The following NOVA1 variants were observed in gnomAD, a reference collection of about 807,000 sequenced individuals.
The protein encoded by NOVA1 is NOVA alternative splicing regulator 1, also known as RNA-binding protein Nova-1.
NOVA1 carries 7 observed loss-of-function variants against 38.0 expected under a neutral mutation model. The ratio of observed to expected loss-of-function variants is 0.18; its 90% CI spans 0.10 to 0.35. The LOEUF (loss-of-function observed/expected upper bound fraction) is 0.35. NOVA1 is among the 10% of genes least tolerant of loss of function. The pLI is 1.00. For synonymous variants in NOVA1, 270 were observed against 232.5 expected, an observed-to-expected ratio of 1.16 and a Z score of -1.47; for missense variants, 460 against 616.0, an observed-to-expected ratio of 0.75 and a Z score of 2.68.
intron 2 of NOVA1, among the ~76,000 whole-genome samples, chr14:26,506,451 C>T (rs566265432): frequency 2.0e-5 from 3 of 152,280 alleles, no homozygotes; most frequent in Admixed American, 2.0e-4. Flanking sequence ...AAAGTAAGGC[C>T]ACATTGCCAG....
At chr14:26,483,728 C>T (rs906279565) in intron 2 of NOVA1, among the ~76,000 whole-genome samples, 2 of 152,058 alleles carry the variant, frequency 1.3e-5, no homozygotes, top group Admixed American at 6.6e-5. Context: ...GAACAATAAA[C>T]GATACCATAA....
At chr14:26,560,915 T>TA (rs1381371524) in intron 2 of NOVA1, among the ~76,000 whole-genome samples, 3 of 152,182 alleles carry the variant, frequency 2.0e-5, no homozygotes, top group African/African-American at 7.2e-5. Context: ...TTTAATATAC[T>TA]AACATGTCCA....
chr14:26,588,065 A>G (rs1893636155), intron 2 of NOVA1, among the ~76,000 whole-genome samples: 2 of 151,196 alleles, frequency 1.3e-5, no homozygotes, highest in Admixed American at 1.3e-4. Flanking sequence ...TTCTCTGAAA[A>G]CTTACACTGT....
intron 2 of NOVA1, among the ~76,000 whole-genome samples, chr14:26,498,809 A>C (rs1010733270): frequency 6.6e-6 from 1 of 152,212 alleles, no homozygotes; most frequent in African/African-American, 2.4e-5. Flanking sequence ...AAAGGAATTA[A>C]CATTTTGAAA....
intron 4 of NOVA1, chr14:26,470,514 C>CA (rs1884504253): frequency 6.8e-7 from 1 of 1,468,944 alleles, no homozygotes; most frequent in African/African-American, 1.4e-5. Context: ...CAGAAGAAAA[C>CA]AGAGTATAAG....
chr14:26,469,666 T>A (rs1392643291), intron 4 of NOVA1, among the ~76,000 whole-genome samples: 1 of 152,178 alleles, frequency 6.6e-6, no homozygotes, highest in East Asian at 1.9e-4. Flanking sequence ...CATGGCTCAC[T>A]GCAGCCTCGA....
intron 2 of NOVA1, among the ~76,000 whole-genome samples, chr14:26,556,803 G>A (rs1328576347): frequency 1.3e-5 from 2 of 151,940 alleles, no homozygotes; most frequent in Non-Finnish European, 2.9e-5. Context: ...TAGAAAAGAC[G>A]GACAAAAGGT....
intron 2 of NOVA1, among the ~76,000 whole-genome samples, chr14:26,541,301 T>C (rs901367285): frequency 3.5e-4 from 53 of 152,022 alleles, no homozygotes; most frequent in African/African-American, 1.2e-3. Flanking sequence ...AGGTATTTTG[T>C]ATAGGAACAC....
At position 26,576,620 on chromosome 14, in the gene NOVA1, T is replaced by C. The variant is rs141120573; in HGVS notation, c.280+18790A>G. ...GTGTCTGTGTGTGTGTATATATATA[T>C]ACACATACCACCTGATAAGGTATAC... On this transcript the variant is annotated intron_variant, in intron 2 of 4. Coordinates refer to ENST00000539517, the MANE Select transcript of NOVA1 (RefSeq NM_002515.3). 1.3e-4 allele frequency among the ~76,000 whole-genome samples: 19 copies of C among 151,796 alleles called. No homozygotes were observed. In the East Asian group the frequency reaches 2.3e-3, roughly 19 times the overall value.
At chr14:26,476,995 G>A (rs1205720671) in intron 3 of NOVA1, among the ~76,000 whole-genome samples, 11 of 151,912 alleles carry the variant, frequency 7.2e-5, no homozygotes, top group South Asian at 4.2e-4. Flanking sequence ...GATTACAGGC[G>A]TGAGCCACAG....
At chr14:26,549,189 CA>C (rs1891012337) in intron 2 of NOVA1, among the ~76,000 whole-genome samples, 1 of 151,758 alleles carries the variant, frequency 6.6e-6, no homozygotes, top group Admixed American at 6.6e-5. Flanking sequence ...AAAAAGAAGT[CA>C]AAATTGGTGT....
chr14:26,507,285 A>AC (rs398118003), intron 2 of NOVA1, among the ~76,000 whole-genome samples: 1 of 151,454 alleles, frequency 6.6e-6, no homozygotes, highest in Non-Finnish European at 1.5e-5. Context: ...AAAAAAAAAA[A>AC]TAATGTCAAA....
At chr14:26,553,819 A>G (rs1891309886) in intron 2 of NOVA1, among the ~76,000 whole-genome samples, 1 of 152,122 alleles carries the variant, frequency 6.6e-6, no homozygotes, top group Non-Finnish European at 1.5e-5. Flanking sequence ...CATGTACCTC[A>G]TCAGAGAGCT....
chr14:26,506,198 T>C (rs920256357), intron 2 of NOVA1, among the ~76,000 whole-genome samples: 3 of 24,130 alleles, frequency 1.2e-4, no homozygotes, highest in African/African-American at 1.7e-4. Flanking sequence ...CCATGCTAAA[T>C]TACCAACACT....
intron 1 of NOVA1, 56 bp from the exon 2 acceptor site, chr14:26,595,609 C>A: frequency 6.7e-7 from 1 of 1,500,294 alleles, no homozygotes. Context: ...CTTTGTATCC[C>A]CTCTCCACCC....
chr14:26,450,017 A>G (rs1882513355), intron 4 of NOVA1, among the ~76,000 whole-genome samples: 1 of 152,172 alleles, frequency 6.6e-6, no homozygotes, highest in African/African-American at 2.4e-5. Context: ...TTATGGAAGC[A>G]TAATGACACA....
At chr14:26,495,615 T>C (rs1886707740) in intron 2 of NOVA1, among the ~76,000 whole-genome samples, 1 of 150,902 alleles carries the variant, frequency 6.6e-6, no homozygotes, top group Non-Finnish European at 1.5e-5. Flanking sequence ...CATCTAGCAT[T>C]AGGTATATCA....
intron 2 of NOVA1, among the ~76,000 whole-genome samples, chr14:26,551,320 C>T (rs1891145399): frequency 6.6e-6 from 1 of 151,930 alleles, no homozygotes; most frequent in South Asian, 2.1e-4. Flanking sequence ...TTAATGCATA[C>T]CAGACACATG....
chr14:26,512,021 A>G (rs1425989367), intron 2 of NOVA1, among the ~76,000 whole-genome samples: 2 of 152,190 alleles, frequency 1.3e-5, no homozygotes, highest in Non-Finnish European at 2.9e-5. Flanking sequence ...AACTAGATAG[A>G]ACACTTTTTC....
Sources: allele counts gnomAD v4.1 joint callset (sites outside exome capture counted in the v4.1 genomes callset), GRCh38; gene constraint gnomAD v4.1.1; transcripts MANE v1.5; gene names NCBI Gene and HGNC (gene_info 2026-07-23, HGNC 2026-07-21).